The following PPP2CA variants were observed in gnomAD, a reference collection of about 807,000 sequenced individuals.
PPP2CA encodes protein phosphatase 2 catalytic subunit alpha.
A neutral mutation model predicts 38.8 loss-of-function variants in PPP2CA; 5 were observed. That is an observed-to-expected ratio of 0.13 (90% CI 0.07 to 0.27). The LOEUF is 0.27. PPP2CA is among the 10% of genes least tolerant of loss of function. The probability of loss-of-function intolerance (pLI) is 1.00; values close to 1 mark genes in which losing one functional copy is unlikely to be tolerated. For missense variants in PPP2CA, 88 were observed against 389.7 expected (o/e 0.23, Z 6.52); for synonymous variants, 152 against 134.0 (o/e 1.13, Z -0.93).
chr5:134,224,764 T>A (rs1360046763), intron 1 of PPP2CA, among the ~76,000 whole-genome samples: 1 of 152,244 alleles, frequency 6.6e-6, no homozygotes. Context: ...TAATATAAAG[T>A]TTAGTGTTAC....
intron 1 of PPP2CA, among the ~76,000 whole-genome samples, chr5:134,212,897 A>G (rs996485926): frequency 2.6e-5 from 4 of 152,212 alleles, no homozygotes; most frequent in African/African-American, 9.6e-5. Context: ...CTTCAATTCT[A>G]TAAAGGCTAA....
chr5:134,211,844 G>A (rs1762208811), intron 1 of PPP2CA, among the ~76,000 whole-genome samples: 1 of 152,058 alleles, frequency 6.6e-6, no homozygotes, highest in African/African-American at 2.4e-5. Context: ...TTGGCTGAGT[G>A]CAGTGGCTCA....
At chr5:134,219,634 T>C (rs1454036155) in intron 1 of PPP2CA, among the ~76,000 whole-genome samples, 1 of 152,168 alleles carries the variant, frequency 6.6e-6, no homozygotes, top group African/African-American at 2.4e-5. Flanking sequence ...TATACACGCA[T>C]CTGTGTCACT....
chr5:134,216,803 C>G (rs1762330011), intron 1 of PPP2CA, among the ~76,000 whole-genome samples: 1 of 152,132 alleles, frequency 6.6e-6, no homozygotes, highest in African/African-American at 2.4e-5. Flanking sequence ...CATGCCTAGA[C>G]AGAAATCAAG....
At chr5:134,206,562 G>C (rs2149384729) in intron 1 of PPP2CA, among the ~76,000 whole-genome samples, 1 of 152,148 alleles carries the variant, frequency 6.6e-6, no homozygotes, top group Non-Finnish European at 1.5e-5. Flanking sequence ...GCAGTAGTAT[G>C]ATCATAGCTC....
intron 1 of PPP2CA, among the ~76,000 whole-genome samples, chr5:134,216,240 A>G (rs1202154113): frequency 6.6e-6 from 1 of 152,146 alleles, no homozygotes; most frequent in African/African-American, 2.4e-5. Context: ...CTAAAGGTAT[A>G]TTACAAGTGG....
intron 1 of PPP2CA, among the ~76,000 whole-genome samples, chr5:134,212,948 A>C (rs1762232718): frequency 6.6e-6 from 1 of 152,252 alleles, no homozygotes; most frequent in Non-Finnish European, 1.5e-5. Context: ...TAAAGCTAGC[A>C]GACTGGTTCA....
intron 4 of PPP2CA, 26 bp downstream of exon 4, chr5:134,200,959 A>C (rs1207420189): frequency 6.5e-7 from 1 of 1,547,428 alleles, no homozygotes; most frequent in Non-Finnish European, 8.9e-7. Flanking sequence ...GTTTTCTGAA[A>C]GAATTTTATC....
At chr5:134,213,394 C>T (rs968126232) in intron 1 of PPP2CA, among the ~76,000 whole-genome samples, 1 of 147,784 alleles carries the variant, frequency 6.8e-6, no homozygotes, top group Admixed American at 6.8e-5. Context: ...ATTTTAAGTG[C>T]ATTACTGAGA....
chr5:134,218,812 G>A (rs1198835080), intron 1 of PPP2CA, among the ~76,000 whole-genome samples: 2 of 152,060 alleles, frequency 1.3e-5, no homozygotes, highest in Non-Finnish European at 2.9e-5. Context: ...GGGACTACAG[G>A]CGCCCACCAC....
intron 1 of PPP2CA, among the ~76,000 whole-genome samples, chr5:134,209,723 A>G (rs1216808836): frequency 6.6e-6 from 1 of 151,954 alleles, no homozygotes; most frequent in African/African-American, 2.4e-5. Context: ...GGTTGCAGTG[A>G]GCCAAGATCG....
At chr5:134,201,560 T>C (rs1469873376) in intron 3 of PPP2CA, among the ~76,000 whole-genome samples, 1 of 152,234 alleles carries the variant, frequency 6.6e-6, no homozygotes, top group Non-Finnish European at 1.5e-5. Flanking sequence ...ATTAGCTCCT[T>C]ACATCTCCCA....
In PPP2CA at chr5:134,197,660, A is replaced by G. The variant is rs1290363839; in HGVS notation, c.*112T>C. 1 of 871,518 alleles carries G rather than the reference A, an allele frequency of 1.1e-6. No homozygotes were observed. The highest frequency in any genetic ancestry group is 1.8e-6 in the Non-Finnish European group (1 of 540,832). 54.0% of individuals were successfully genotyped at this position (871,518 alleles called of 1,614,324 possible). A position where few individuals can be genotyped will look rare whatever the true frequency, so the allele number is the denominator to read the frequency against. On this transcript the variant is annotated 3_prime_UTR_variant, in exon 7 of 7. Coordinates refer to ENST00000481195, the MANE Select transcript of PPP2CA (RefSeq NM_002715.4). ...CACATCTTTTGGTCCATGTGAAAACAAGTTTTTTGAATGTTAACTATTTTC... is the reference window on the plus strand; with the variant it reads ...CACATCTTTTGGTCCATGTGAAAACGAGTTTTTTGAATGTTAACTATTTTC...
intron 6 of PPP2CA, among the ~76,000 whole-genome samples, chr5:134,198,183 G>A (rs1456309664): frequency 2.0e-5 from 3 of 152,146 alleles, no homozygotes; most frequent in African/African-American, 7.2e-5. Context: ...GAGGTCAGGA[G>A]ATCAAGACCA....
rs745955780 is a variant in PPP2CA, at chr5:134,195,077, G to A, written c.*2695C>T. 3.3e-5 allele frequency: 5 copies of A among 152,022 alleles called. No individual in the cohort carries two copies. The highest frequency in any genetic ancestry group is 7.4e-5 in the Non-Finnish European group (5 of 68,014). 9.4% of individuals were successfully genotyped at this position (152,022 alleles called of 1,614,324 possible). On this transcript the variant is annotated 3_prime_UTR_variant, in exon 7 of 7. Transcript: ENST00000481195. ...TCCTTCTTGAAACTAATCTAATATT[G>A]ACAAACTTCTATTTAAGAAATACCG... is the stretch of plus-strand genomic sequence containing the variant.
At chr5:134,212,639 A>G (rs1268376317) in intron 1 of PPP2CA, among the ~76,000 whole-genome samples, 1 of 152,224 alleles carries the variant, frequency 6.6e-6, no homozygotes, top group East Asian at 1.9e-4. Flanking sequence ...TATTAAACTT[A>G]GGAGAGGGCA....
chr5:134,223,926 T>G (rs1252796351), intron 1 of PPP2CA, among the ~76,000 whole-genome samples: 1 of 152,224 alleles, frequency 6.6e-6, no homozygotes, highest in African/African-American at 2.4e-5. Context: ...CTGTATAATC[T>G]CAGAACACAT....
intron 1 of PPP2CA, among the ~76,000 whole-genome samples, chr5:134,212,581 T>A (rs1482923601): frequency 1.3e-5 from 2 of 152,144 alleles, no homozygotes; most frequent in Non-Finnish European, 2.9e-5. Context: ...AATGCTCAAG[T>A]GAAAGGAAGA....
At chr5:134,224,117 A>G (rs1287259212) in intron 1 of PPP2CA, 1 of 309,016 alleles carries the variant, frequency 3.2e-6, no homozygotes, top group Non-Finnish European at 6.3e-6. Context: ...CTGGCCAACT[A>G]CTGACTTAAA....
Sources: gnomAD v4.1 joint callset for allele counts (sites outside exome capture counted in the v4.1 genomes callset) on GRCh38, gnomAD v4.1.1 for gene constraint, MANE v1.5 for transcripts, NCBI Gene and HGNC (gene_info 2026-07-23, HGNC 2026-07-21) for gene names.